Variants in WWC1 observed in about 807,000 individuals in gnomAD.
WWC1 encodes protein KIBRA.
A neutral mutation model predicts 138.4 loss-of-function variants in WWC1; 55 were observed. That is an observed-to-expected ratio of 0.40 (90% CI 0.32 to 0.50). WWC1 has a LOEUF of 0.50. WWC1 is among the 20% of genes least tolerant of loss of function. WWC1 has a pLI of 0.72. For missense variants in WWC1, 1,226 were observed against 1,420.4 expected, an observed-to-expected ratio of 0.86 and a Z score of 2.20; for synonymous variants, 524 against 564.9, an observed-to-expected ratio of 0.93 and a Z score of 1.03.
In WWC1 at chr5:168,451,046, G is replaced by A. The variant is rs1368822873; in HGVS notation, c.2526-2922G>A. 2.0e-5 allele frequency among the ~76,000 whole-genome samples: 3 copies of A among 151,900 alleles called. No individual in the cohort carries two copies. The East Asian group carries it at 5.8e-4, about 29-fold the overall frequency. On this transcript the variant is annotated intron_variant, in intron 17 of 22. Coordinates refer to ENST00000265293, the MANE Select transcript of WWC1 (RefSeq NM_015238.3). Reference sequence around the variant, plus strand: ...TTTATTTATTTTGAGACAGAGTTTTGCTCTTGTTGCCCAGGCTGCGATCTC... The same window carrying A: ...TTTATTTATTTTGAGACAGAGTTTTACTCTTGTTGCCCAGGCTGCGATCTC...
At chr5:168,333,265 T>G (rs1321783327) in intron 1 of WWC1, among the ~76,000 whole-genome samples, 1 of 152,194 alleles carries the variant, frequency 6.6e-6, no homozygotes, top group African/African-American at 2.4e-5. Flanking sequence ...CCCTTTCTCC[T>G]CTCCTTCCTC....
intron 1 of WWC1, among the ~76,000 whole-genome samples, chr5:168,305,018 TTTCTCCATG>T (rs969014076): frequency 1.1e-4 from 17 of 152,010 alleles, no homozygotes; most frequent in African/African-American, 4.1e-4. Flanking sequence ...AGAGACAGGG[TTTCTCCATG>T]TTGGTCAGGC....
At chr5:168,312,358 C>T (rs921428273) in intron 1 of WWC1, among the ~76,000 whole-genome samples, 2 of 152,164 alleles carry the variant, frequency 1.3e-5, no homozygotes, top group South Asian at 2.1e-4. Flanking sequence ...GAGATGAAGA[C>T]GTGGCGGCAC....
At chr5:168,365,104 C>G (rs192995281) in intron 1 of WWC1, among the ~76,000 whole-genome samples, 124 of 152,328 alleles carry the variant, frequency 8.1e-4, no homozygotes, top group Middle Eastern at 6.8e-3. Flanking sequence ...CTGGCCTCCC[C>G]GGAGCTAAAG....
intron 1 of WWC1, among the ~76,000 whole-genome samples, chr5:168,297,613 C>T (rs545424436): frequency 1.0e-3 from 126 of 126,190 alleles, no homozygotes; most frequent in African/African-American, 3.3e-3. Context: ...GCAACAAGAG[C>T]GAAACTCCAT....
chr5:168,393,907 C>T (rs1053034004), intron 3 of WWC1, among the ~76,000 whole-genome samples: 6 of 151,880 alleles, frequency 4.0e-5, no homozygotes, highest in Admixed American at 6.6e-5. Flanking sequence ...ACTAAGCAAA[C>T]GTAAAAATGA....
At chr5:168,340,034 TC>T (rs1481852385) in intron 1 of WWC1, among the ~76,000 whole-genome samples, 2 of 147,558 alleles carry the variant, frequency 1.4e-5, no homozygotes, top group Non-Finnish European at 3.0e-5. Flanking sequence ...TTCCTTTCTT[TC>T]CTTTCTTTTC....
intron 19 of WWC1, among the ~76,000 whole-genome samples, chr5:168,457,197 A>G (rs1390847949): frequency 1.8e-5 from 2 of 109,256 alleles, no homozygotes; most frequent in African/African-American, 6.9e-5. Flanking sequence ...TTTGCTTTCT[A>G]GTTGGCCCAC....
At chr5:168,436,247 T>G (rs541828407) in intron 15 of WWC1, among the ~76,000 whole-genome samples, 1 of 152,324 alleles carries the variant, frequency 6.6e-6, no homozygotes, top group African/African-American at 2.4e-5. Flanking sequence ...ACCTGCCAGC[T>G]ACATTTGCCA....
At chr5:168,400,324 C>T (rs1333979184) in intron 5 of WWC1, among the ~76,000 whole-genome samples, 1 of 152,112 alleles carries the variant, frequency 6.6e-6, no homozygotes, top group Non-Finnish European at 1.5e-5. Context: ...TGATCCTCTC[C>T]CTCCTCTCAC....
chr5:168,431,080 C>T (rs1282184576), intron 14 of WWC1, among the ~76,000 whole-genome samples, 172 bp from the exon 15 acceptor site: 3 of 152,182 alleles, frequency 2.0e-5, no homozygotes, highest in Non-Finnish European at 4.4e-5. Context: ...GAATTTTGTT[C>T]GATTTGTCAA....
intron 1 of WWC1, among the ~76,000 whole-genome samples, chr5:168,328,455 T>C (rs1772753337): frequency 1.3e-5 from 2 of 152,204 alleles, no homozygotes; most frequent in Non-Finnish European, 2.9e-5. Flanking sequence ...AAGAGTCTGA[T>C]TGGATAGGAA....
chr5:168,398,993 C>T (rs1010749509), intron 4 of WWC1, among the ~76,000 whole-genome samples: 4 of 152,162 alleles, frequency 2.6e-5, no homozygotes, highest in Non-Finnish European at 4.4e-5. Context: ...ACCAGCAGAC[C>T]GAGTCTAGCT....
At chr5:168,404,792 C>T (rs1171451197) in intron 5 of WWC1, among the ~76,000 whole-genome samples, 3 of 152,088 alleles carry the variant, frequency 2.0e-5, no homozygotes, top group Non-Finnish European at 4.4e-5. Flanking sequence ...CATCTCTGCC[C>T]CTGGACCTTT....
intron 22 of WWC1, 44 bp from the exon 23 acceptor site, chr5:168,468,907 C>T (rs780073412): frequency 9.4e-6 from 15 of 1,597,694 alleles, no homozygotes; most frequent in Middle Eastern, 3.3e-4. Flanking sequence ...CTCTGTAGAG[C>T]GAGGTTGAAA....
rs569058093 is a variant in WWC1, at chr5:168,318,291, CTTAGT to C, written c.119+26024_119+26028del. Reference sequence around the variant, plus strand: ...GAGATCTATTACACAGATACCTTTTCTTAGTTTACTTTTTAAAAATTTATTTTTAA... The same window carrying C: ...GAGATCTATTACACAGATACCTTTTCTTACTTTTTAAAAATTTATTTTTAA... On this transcript the variant is annotated intron_variant, in intron 1 of 22. Coordinates refer to ENST00000265293, the MANE Select transcript of WWC1 (RefSeq NM_015238.3). 1.1e-4 allele frequency among the ~76,000 whole-genome samples: 17 copies of C among 152,122 alleles called. No individual in the cohort carries two copies. In the East Asian group the frequency reaches 2.9e-3, roughly 26 times the overall value.
chr5:168,303,306 G>A (rs1770261082), intron 1 of WWC1, among the ~76,000 whole-genome samples: 1 of 152,126 alleles, frequency 6.6e-6, no homozygotes. Flanking sequence ...TAAGAAATAA[G>A]GCACAGGAGG....
At chr5:168,411,160 C>T (rs1780212767) in intron 8 of WWC1, among the ~76,000 whole-genome samples, 3 of 152,038 alleles carry the variant, frequency 2.0e-5, no homozygotes, top group South Asian at 4.2e-4. Flanking sequence ...GTCTCCTGAC[C>T]TTGTGATCCA....
rs71310058 is a variant in WWC1 at position 168,389,450 on chromosome 5, CAAAAA to C, written c.433+4047_433+4051del. On this transcript the variant is annotated intron_variant, in intron 3 of 22. Transcript: ENST00000265293. ...TGGGAGACAGAGCAAGACTCCATCT[CAAAAA>C]AAAAAAAAAAGAAAGAAAAAAAAGA... 8.0e-3 allele frequency among the ~76,000 whole-genome samples: 760 copies of C among 95,038 alleles called. 10 individuals carry two copies. The highest frequency in any genetic ancestry group is 0.028 in the African/African-American group (726 of 26,106). 62.3% of individuals were successfully genotyped at this position (95,038 alleles called of 152,430 possible).
Sources: gnomAD v4.1 joint callset for allele counts (sites outside exome capture counted in the v4.1 genomes callset) on GRCh38, gnomAD v4.1.1 for gene constraint, MANE v1.5 for transcripts, NCBI Gene and HGNC (gene_info 2026-07-23, HGNC 2026-07-21) for gene names.